Variants in CTNND2 observed in about 807,000 individuals in gnomAD.
CTNND2 encodes catenin delta 2, also known as catenin delta-2.
Under a neutral mutation model 144.4 loss-of-function variants are expected in CTNND2, and 22 were observed. That is an observed-to-expected ratio of 0.15 (90% CI 0.11 to 0.22). The LOEUF (loss-of-function observed/expected upper bound fraction) is 0.22, where lower values mean the gene tolerates loss of function less well. Among genes scored for constraint, CTNND2 ranks in the 10% least tolerant of loss-of-function variants. The pLI is 1.00. For missense variants in CTNND2, 1,353 were observed against 1,618.8 expected (o/e 0.84, Z 2.82); for synonymous variants, 751 against 695.6 (o/e 1.08, Z -1.25).
intron 3 of CTNND2, among the ~76,000 whole-genome samples, chr5:11,444,011 C>T (rs1031918656): frequency 1.3e-5 from 2 of 152,234 alleles, no homozygotes; most frequent in Non-Finnish European, 2.9e-5. Context: ...ATTAATTACT[C>T]TCCATCAGCA....
chr5:11,249,744 CT>C (rs1409183766), intron 9 of CTNND2, among the ~76,000 whole-genome samples: 2 of 151,500 alleles, frequency 1.3e-5, no homozygotes, highest in Non-Finnish European at 2.9e-5. Context: ...GGGAGGAAAG[CT>C]TTTGAGTGTG....
intron 19 of CTNND2, 42 bp downstream of exon 19, chr5:10,992,509 C>G (rs370287740): frequency 2.5e-6 from 4 of 1,612,512 alleles, no homozygotes; most frequent in East Asian, 2.2e-5. Flanking sequence ...CTTTGCTCAA[C>G]GAGAAATAAA....
chr5:11,501,383 A>C (rs942968310), intron 3 of CTNND2, among the ~76,000 whole-genome samples: 1 of 151,706 alleles, frequency 6.6e-6, no homozygotes, highest in African/African-American at 2.4e-5. Flanking sequence ...AGAACTGTGT[A>C]CTCCTGGCAA....
intron 3 of CTNND2, among the ~76,000 whole-genome samples, chr5:11,436,091 C>T (rs935672440): frequency 9.9e-5 from 15 of 151,956 alleles, no homozygotes; most frequent in Admixed American, 3.3e-4. Context: ...GCTTCCTGAG[C>T]GCTTGCTCTC....
intron 7 of CTNND2, among the ~76,000 whole-genome samples, chr5:11,366,054 A>G (rs931229184): frequency 6.6e-6 from 1 of 152,294 alleles, no homozygotes; most frequent in East Asian, 1.9e-4. Context: ...CCGGACTAAC[A>G]TATCAGGGTG....
chr5:11,107,539 A>G lies in CTNND2; in HGVS notation c.2463+3319T>C, dbSNP rs551265013. On this transcript the variant is annotated intron_variant, in intron 14 of 21. Transcript: ENST00000304623. ...AGGTGGTGGGATTTCATGATTTCTC[A>G]TAACACCTTCAGTGCAAAGAATTTG... Among the ~76,000 whole-genome samples, 11 of 152,380 alleles carry G rather than the reference A, an allele frequency of 7.2e-5. No individual in the cohort carries two copies. The South Asian group carries it at 2.1e-3, about 29-fold the overall frequency.
chr5:11,671,290 T>G (rs1257176296), intron 2 of CTNND2, among the ~76,000 whole-genome samples: 1 of 152,112 alleles, frequency 6.6e-6, no homozygotes, highest in Admixed American at 6.5e-5. Flanking sequence ...CTTTGTGGTG[T>G]TCTCTGTATT....
Position 11,601,216 on chromosome 5 carries a change from A to G in CTNND2, c.175-36160T>C, listed in dbSNP as rs547615062. ...ATAATGTTGAGCAGCAAAATATTTGAGAACAACAGGAAAGCTGGTATCACA... is the reference window on the plus strand; with the variant it reads ...ATAATGTTGAGCAGCAAAATATTTGGGAACAACAGGAAAGCTGGTATCACA... On this transcript the variant is annotated intron_variant, in intron 2 of 21. Coordinates refer to ENST00000304623, the MANE Select transcript of CTNND2 (RefSeq NM_001332.4). 3.3e-5 allele frequency among the ~76,000 whole-genome samples: 5 copies of G among 152,336 alleles called. No homozygotes were observed. In the East Asian group the frequency reaches 9.6e-4, roughly 29 times the overall value.
intron 3 of CTNND2, among the ~76,000 whole-genome samples, chr5:11,514,425 T>C (rs1307519598): frequency 6.8e-6 from 1 of 147,250 alleles, no homozygotes; most frequent in Non-Finnish European, 1.5e-5. Context: ...GCTGTATTCA[T>C]TTGATGGATT....
At chr5:11,129,225 A>ATATATATTATATATTTAATATT (rs1561353386) in intron 12 of CTNND2, among the ~76,000 whole-genome samples, 4 of 22,372 alleles carry the variant, frequency 1.8e-4, no homozygotes, top group Non-Finnish European at 3.6e-4. Context: ...ATTATATATA[A>ATATATATTATATATTTAATATT]ATATATATTA....
At chr5:11,488,475 C>T (rs896812818) in intron 3 of CTNND2, among the ~76,000 whole-genome samples, 1 of 152,110 alleles carries the variant, frequency 6.6e-6, no homozygotes, top group Non-Finnish European at 1.5e-5. Flanking sequence ...ACATATTTTA[C>T]GTTTTTGAAA....
chr5:10,992,331 C>A (rs938636753), intron 19 of CTNND2, among the ~76,000 whole-genome samples: 1 of 152,208 alleles, frequency 6.6e-6, no homozygotes, highest in Non-Finnish European at 1.5e-5. Context: ...ACGTGCATGT[C>A]ATGCATAAGA....
chr5:11,768,249 GTCTC>G (rs1164366713), intron 1 of CTNND2, among the ~76,000 whole-genome samples: 2 of 150,620 alleles, frequency 1.3e-5, no homozygotes, highest in Non-Finnish European at 2.9e-5. Context: ...CACTCAGAGA[GTCTC>G]TCTCCCACTC....
chr5:10,992,732 T>A (rs1000461357), intron 18 of CTNND2, 55 bp from the exon 19 acceptor site: 8 of 1,586,556 alleles, frequency 5.0e-6, no homozygotes. Flanking sequence ...ATTTTTCACC[T>A]CCGGACATTT....
chr5:11,573,607 C>A (rs1330987408), intron 2 of CTNND2, among the ~76,000 whole-genome samples: 1 of 152,156 alleles, frequency 6.6e-6, no homozygotes, highest in African/African-American at 2.4e-5. Context: ...AAGCCGTGTA[C>A]ACCTCATTGG....
At chr5:11,411,863 T>C (rs1021590533) in intron 4 of CTNND2, among the ~76,000 whole-genome samples, 172 bp downstream of exon 4, 1 of 152,202 alleles carries the variant, frequency 6.6e-6, no homozygotes, top group South Asian at 2.1e-4. Flanking sequence ...TACTACAGAA[T>C]TGAAAGATTT....
chr5:11,723,012 C>T (rs1417429030), intron 2 of CTNND2, among the ~76,000 whole-genome samples: 1 of 152,024 alleles, frequency 6.6e-6, no homozygotes, highest in Non-Finnish European at 1.5e-5. Context: ...AAAAAGCATA[C>T]AAAATAAGCA....
rs76596287 is a variant in CTNND2, at chr5:11,526,430, C to T, written c.287+38514G>A. Among the ~76,000 whole-genome samples the T allele has an allele frequency of 6.5e-3, 987 of 152,228 alleles. 30 individuals carry two copies. The East Asian group carries it at 0.087, about 13-fold the overall frequency. Reference sequence around the variant, plus strand: ...CGCAGTTTCCGGAACCTATCGATGACGTTAAGTGTGCACCTGCTGTGTATG... The same window carrying T: ...CGCAGTTTCCGGAACCTATCGATGATGTTAAGTGTGCACCTGCTGTGTATG... On this transcript the variant is annotated intron_variant, in intron 3 of 21. Coordinates refer to ENST00000304623, the MANE Select transcript of CTNND2 (RefSeq NM_001332.4).
chr5:10,979,447 C>T (rs1736940240), intron 21 of CTNND2, among the ~76,000 whole-genome samples: 1 of 152,128 alleles, frequency 6.6e-6, no homozygotes, highest in African/African-American at 2.4e-5. Context: ...GCCATGGGGG[C>T]CAAGCCATTC....
Sources: gnomAD v4.1 joint callset for allele counts (sites outside exome capture counted in the v4.1 genomes callset) on GRCh38, gnomAD v4.1.1 for gene constraint, MANE v1.5 for transcripts, NCBI Gene and HGNC (gene_info 2026-07-23, HGNC 2026-07-21) for gene names.